Variants in CEP112 observed in about 807,000 individuals in gnomAD.
CEP112 encodes the protein centrosomal protein of 112 kDa.
A neutral mutation model predicts 153.0 loss-of-function variants in CEP112; 127 were observed. The observed-to-expected ratio is 0.83, with a 90% CI of 0.72 to 0.96. The LOEUF is 0.96. Ranked by LOEUF, CEP112 falls within the 40% of genes least tolerant of loss-of-function variation. The pLI is 0.00. For missense variants in CEP112, 1,089 were observed against 1,101.2 expected (o/e 0.99, Z 0.16); for synonymous variants, 358 against 374.4 (o/e 0.96, Z 0.51).
intron 23 of CEP112, among the ~76,000 whole-genome samples, chr17:65,699,109 T>C (rs1338883766): frequency 1.3e-5 from 2 of 152,218 alleles, no homozygotes; most frequent in Non-Finnish European, 2.9e-5. Context: ...CCCTATATGA[T>C]AACATATTTA....
chr17:65,696,047 T>C (rs2048337042), intron 23 of CEP112, among the ~76,000 whole-genome samples: 1 of 152,236 alleles, frequency 6.6e-6, no homozygotes, highest in African/African-American at 2.4e-5. Context: ...AAAGTCACCC[T>C]TCTGAGTCAG....
intron 4 of CEP112, among the ~76,000 whole-genome samples, chr17:66,158,959 A>G (rs1257889317): frequency 6.6e-6 from 1 of 152,210 alleles, no homozygotes; most frequent in Non-Finnish European, 1.5e-5. Flanking sequence ...CACTAGCCAG[A>G]CTAATAAAGA....
chr17:65,983,134 T>C (rs1046416034), intron 17 of CEP112, among the ~76,000 whole-genome samples: 12 of 152,230 alleles, frequency 7.9e-5, no homozygotes, highest in Non-Finnish European at 1.5e-4. Context: ...GATCTGGAAC[T>C]AAATAGAGGT....
intron 21 of CEP112, among the ~76,000 whole-genome samples, chr17:65,762,018 A>G (rs2052645153): frequency 6.6e-6 from 1 of 152,118 alleles, no homozygotes; most frequent in African/African-American, 2.4e-5. Flanking sequence ...TAGTAGATTC[A>G]TCTATTTCTC....
At chr17:66,164,419 G>A (rs1366031580) in intron 4 of CEP112, among the ~76,000 whole-genome samples, 4 of 151,922 alleles carry the variant, frequency 2.6e-5, no homozygotes, top group Admixed American at 6.6e-5. Context: ...TTAGCCAGGC[G>A]TGGTGGCGGG....
intron 24 of CEP112, among the ~76,000 whole-genome samples, chr17:65,675,537 A>G (rs2047189004): frequency 6.6e-6 from 1 of 152,168 alleles, no homozygotes; most frequent in Admixed American, 6.6e-5. Flanking sequence ...AAAGACTATC[A>G]ACTTGATACA....
At chr17:65,680,735 A>G (rs1176851175) in intron 24 of CEP112, among the ~76,000 whole-genome samples, 1 of 152,224 alleles carries the variant, frequency 6.6e-6, no homozygotes, top group Non-Finnish European at 1.5e-5. Context: ...TAATTTATAA[A>G]CAAAGGAGGT....
chr17:66,188,426 A>G (rs2073029852), intron 1 of CEP112, among the ~76,000 whole-genome samples: 1 of 84,088 alleles, frequency 1.2e-5, no homozygotes, highest in African/African-American at 4.5e-5. Flanking sequence ...CCCTTATCTA[A>G]TCCCACCCCC....
rs549226002 is a variant in CEP112 at position 66,129,768 on chromosome 17, C to T, written c.620G>A (p.Arg207His). Reference protein sequence around the residue: ...VSLDDSDIEARLNSWNLGIEN... With the variant: ...VSLDDSDIEAHLNSWNLGIEN... ...TACCCCAAGATTCCAACTATTAAGG[C>T]GAGCTTCAATGTCACTATCATCCAA... The change falls in exon 6 of 27, where the codon CGC becomes CAC. Residue 207 changes from arginine (R) to histidine (H), a missense_variant. Transcript: ENST00000535342. 83 of 1,611,302 alleles carry T rather than the reference C, an allele frequency of 5.2e-5. No individual in the cohort carries two copies. Among genetic ancestry groups the T allele is most frequent in the Middle Eastern group, 3.3e-4 (2 of 6,066 alleles).
chr17:65,662,221 C>CATACATGAA (rs1298548503), intron 24 of CEP112, among the ~76,000 whole-genome samples: 13 of 152,124 alleles, frequency 8.5e-5, no homozygotes, highest in Non-Finnish European at 1.9e-4. Flanking sequence ...TCCACTTAGA[C>CATACATGAA]ATACATGAAA....
At chr17:66,177,427 C>CTTTAATT (rs199535558) in intron 2 of CEP112, among the ~76,000 whole-genome samples, 5,180 of 152,174 alleles carry the variant, frequency 0.034, 130 homozygotes, top group Middle Eastern at 0.061. Flanking sequence ...CATTAAATAA[C>CTTTAATT]TTTAATTTTT....
In CEP112 at chr17:66,005,728, A is replaced by G. The variant is rs138547724; in HGVS notation, c.1698T>C (p.Asp566=). 1.5e-4 allele frequency: 234 copies of G among 1,610,030 alleles called. No individual in the cohort carries two copies. The African/African-American group carries it at 2.9e-3, about 20-fold the overall frequency. ...CAAATTTATGAATTTTCTTTTGAGT[A>G]TCTTCTTTTCCTTTATCAAGTTCAC... is the stretch of plus-strand genomic sequence containing the variant. ...LQSELDKGKE[D]TQKKIHKFEE... Residue 566 remains aspartate (D), a synonymous_variant, in exon 17 of 27, where the codon GAT becomes GAC. Transcript: ENST00000535342.
intron 18 of CEP112, among the ~76,000 whole-genome samples, chr17:65,947,776 C>T (rs2061694143): frequency 6.6e-6 from 1 of 152,040 alleles, no homozygotes. Context: ...TTTATCTCTG[C>T]TACCTAATCT....
chr17:66,061,854 T>C (rs2066933536), intron 11 of CEP112, among the ~76,000 whole-genome samples: 1 of 152,154 alleles, frequency 6.6e-6, no homozygotes, highest in Non-Finnish European at 1.5e-5. Context: ...TGATAGGGTT[T>C]GGCTGTGTCC....
Position 65,902,241 on chromosome 17 carries a change from G to A in CEP112, c.2074C>T (p.Arg692Trp), listed in dbSNP as rs149561928. 156 of 1,613,710 alleles carry A rather than the reference G, an allele frequency of 9.7e-5. No individual in the cohort carries two copies. The East Asian group carries it at 2.7e-3, about 28-fold the overall frequency. The stretch of plus-strand genomic sequence containing the variant: ...TGTTTTTCCAGGTTTTCAATTTCCC[G>A]TTCATGGTCTCGGACTAGGCTATCC... ...EKDSLVRDHE[R>W]EIENLEKQLR... Residue 692 changes from arginine (R) to tryptophan (W), a missense_variant, in exon 20 of 27, where the codon CGG becomes TGG. Physicochemically the swap from Arg to Trp is moderately radical, Grantham distance 101. Coordinates refer to ENST00000535342, the MANE Select transcript of CEP112 (RefSeq NM_001199165.4).
At chr17:66,102,813 G>T (rs1025175974) in intron 6 of CEP112, among the ~76,000 whole-genome samples, 2 of 133,890 alleles carry the variant, frequency 1.5e-5, no homozygotes, top group Admixed American at 1.5e-4. Flanking sequence ...AAAAAAAAAA[G>T]AATTAAAAAA....
chr17:65,750,660 A>C lies in CEP112; in HGVS notation c.2457+2T>G, dbSNP rs567036569. ...TGTTTTGTGTCTTTTAATGTTGCTT[A>C]CCTGTGAAGATTTGGCAAGCTTCTG... On this transcript the variant is annotated splice_donor_variant, in intron 22 of 26. Transcript: ENST00000535342. LOFTEE classifies it high-confidence loss of function. The C allele has an allele frequency of 1.9e-6, 3 of 1,613,496 alleles. No homozygotes were observed. The South Asian group carries it at 3.3e-5, about 18-fold the overall frequency.
At chr17:66,025,405 T>C (rs764869129) in intron 16 of CEP112, among the ~76,000 whole-genome samples, 8 of 151,914 alleles carry the variant, frequency 5.3e-5, no homozygotes, top group Non-Finnish European at 1.0e-4. Flanking sequence ...ATATCCAGAA[T>C]TTACAAGGAA....
At chr17:65,977,962 C>T (rs1169669957) in intron 17 of CEP112, among the ~76,000 whole-genome samples, 1 of 152,162 alleles carries the variant, frequency 6.6e-6, no homozygotes, top group East Asian at 1.9e-4. Flanking sequence ...GTAATCCCAG[C>T]TACTCAGGGG....
Sources: gnomAD v4.1 joint callset for allele counts (sites outside exome capture counted in the v4.1 genomes callset) on GRCh38, gnomAD v4.1.1 for gene constraint, MANE v1.5 for transcripts, NCBI Gene and HGNC (gene_info 2026-07-23, HGNC 2026-07-21) for gene names.